Variants in TMEM131L observed in about 807,000 individuals in gnomAD.
TMEM131L encodes transmembrane protein 131-like.
TMEM131L carries 54 observed loss-of-function variants against 192.2 expected under a neutral mutation model. The ratio of observed to expected loss-of-function variants is 0.28; its 90% CI spans 0.23 to 0.35. The LOEUF (loss-of-function observed/expected upper bound fraction) is 0.35. TMEM131L is among the 10% of genes least tolerant of loss of function. The pLI is 1.00. For synonymous variants in TMEM131L, 701 were observed against 704.9 expected (o/e 0.99, Z 0.09); for missense variants, 1,888 against 1,972.9 (o/e 0.96, Z 0.82).
chr4:153,533,354 G>T (rs926909703), intron 3 of TMEM131L, among the ~76,000 whole-genome samples: 1 of 152,190 alleles, frequency 6.6e-6, no homozygotes, highest in Admixed American at 6.5e-5. Context: ...CTGCGTGTGG[G>T]AGTGGGGCGC....
At chr4:153,631,234 AG>A (rs772590710) in intron 31 of TMEM131L, among the ~76,000 whole-genome samples, 26 of 152,224 alleles carry the variant, frequency 1.7e-4, no homozygotes, top group Non-Finnish European at 3.1e-4. Context: ...CAGGCATTTA[AG>A]GGAGCCCTTG....
At chr4:153,636,151 T>TG (rs1173256905) in intron 34 of TMEM131L, 150 bp from the exon 35 acceptor site, 6 of 760,382 alleles carry the variant, frequency 7.9e-6, no homozygotes, top group African/African-American at 7.0e-5. Flanking sequence ...TGAGAAAAAA[T>TG]GGAGTTAAAG....
intron 12 of TMEM131L, 130 bp from the exon 13 acceptor site, chr4:153,585,328 G>A (rs1244709325): frequency 1.1e-6 from 1 of 928,730 alleles, no homozygotes; most frequent in African/African-American, 1.7e-5. Context: ...GATTGCCGAG[G>A]TTGTCTCTGG....
chr4:153,545,178 TGAA>T (rs1737075448), intron 3 of TMEM131L, among the ~76,000 whole-genome samples: 1 of 152,194 alleles, frequency 6.6e-6, no homozygotes, highest in Admixed American at 6.5e-5. Flanking sequence ...CTCATTTTGT[TGAA>T]GAAGAAACTG....
chr4:153,561,973 A>AAC (rs1728873833), intron 7 of TMEM131L, among the ~76,000 whole-genome samples: 1 of 151,804 alleles, frequency 6.6e-6, no homozygotes, highest in African/African-American at 2.4e-5. Flanking sequence ...CAAAAAAAAA[A>AAC]AACCTCTTAA....
chr4:153,585,675 G>C lies in TMEM131L; in HGVS notation c.1311+64G>C, dbSNP rs1021182633. ...TAAGCTTTGTTTAAGGTCAGATGCT[G>C]TGAAATTATTTCTATAAAATAATAA... On this transcript the variant is annotated intron_variant, in intron 13 of 34. Transcript: ENST00000409959. 50 of 1,093,574 alleles carry C rather than the reference G, an allele frequency of 4.6e-5. No homozygotes were observed. The East Asian group carries it at 1.4e-3, about 31-fold the overall frequency. 67.7% of individuals were successfully genotyped at this position (1,093,574 alleles called of 1,614,324 possible).
intron 26 of TMEM131L, among the ~76,000 whole-genome samples, chr4:153,613,958 A>G (rs1303827611): frequency 2.6e-5 from 4 of 152,238 alleles, no homozygotes; most frequent in Admixed American, 2.6e-4. Context: ...GTTTGGAAAG[A>G]CAAGAGGTTT....
At position 153,636,483 on chromosome 4, in the gene TMEM131L, C is replaced by T. The variant is rs762379218; in HGVS notation, c.4740C>T (p.Arg1580=). 2.8e-5 allele frequency: 45 copies of T among 1,614,036 alleles called. No homozygotes were observed. The highest frequency in any genetic ancestry group is 3.3e-4 in the Middle Eastern group (2 of 6,084). The part of the protein sequence containing the change: ...KEYYPGFNPF[R]AYMNLDIWTT... ...ACTACCCGGGGTTCAACCCGTTTCG[C>T]GCCTATATGAACCTGGACATATGGA... Residue 1580 remains arginine (R), a synonymous_variant, in exon 35 of 35, where the codon CGC becomes CGT. Transcript: ENST00000409959.
At position 153,473,044 on chromosome 4, in the gene TMEM131L, C is replaced by T. The variant is rs138216820; in HGVS notation, c.196-801C>T. Among the ~76,000 whole-genome samples the T allele has an allele frequency of 3.6e-4, 55 of 152,298 alleles. No homozygotes were observed. In the East Asian group the frequency reaches 9.5e-3, roughly 26 times the overall value. On this transcript the variant is annotated intron_variant, in intron 2 of 34. Transcript: ENST00000409959. The stretch of plus-strand genomic sequence containing the variant: ...GACAGTTAAGTTCAGCATTTTCCCT[C>T]GGACATTTTAAATTGGAGCCCAGGT...
intron 2 of TMEM131L, among the ~76,000 whole-genome samples, chr4:153,468,856 G>A (rs1730960715): frequency 6.6e-6 from 1 of 151,934 alleles, no homozygotes; most frequent in African/African-American, 2.4e-5. Flanking sequence ...CTATGTATAT[G>A]TATTTGCATT....
intron 6 of TMEM131L, 85 bp downstream of exon 6, chr4:153,557,167 GA>G (rs1298343929): frequency 4.3e-6 from 3 of 692,020 alleles, no homozygotes; most frequent in African/African-American, 1.8e-5. Flanking sequence ...AAGACTTTTG[GA>G]AATGTTGTCA....
rs779425676 is a variant in TMEM131L at position 153,620,862 on chromosome 4, G to A, written c.3674G>A (p.Gly1225Asp). The A allele has an allele frequency of 6.3e-7, 1 of 1,595,936 alleles. No homozygotes were observed. The highest frequency in any genetic ancestry group is 8.5e-7 in the Non-Finnish European group (1 of 1,174,174). Residue 1225 changes from glycine to aspartate, a missense_variant, in exon 27 of 35, where the codon GGT (glycine) becomes GAT (aspartate). Physicochemically the swap from Gly to Asp is moderately conservative, Grantham distance 94 (BLOSUM62 -1). Coordinates refer to ENST00000409959, the MANE Select transcript of TMEM131L (RefSeq NM_001131007.2). ...ACATGTAGAAAGAACAAGAAAAGGG[G>A]TGTTGCTCCAGTCTCAAGGTGCGTA... ...SRTCRKNKKRGVAPVSRPPEQ... is the reference protein window; with the variant it reads ...SRTCRKNKKRDVAPVSRPPEQ...
At chr4:153,499,624 A>T (rs904986669) in intron 3 of TMEM131L, among the ~76,000 whole-genome samples, 2 of 152,034 alleles carry the variant, frequency 1.3e-5, no homozygotes, top group Admixed American at 1.3e-4. Context: ...AGGGGATTTC[A>T]CCATGTTGGC....
Position 153,583,639 on chromosome 4 carries a change from A to G in TMEM131L, c.1027A>G (p.Asn343Asp). 1 of 1,606,890 alleles carries G rather than the reference A, an allele frequency of 6.2e-7. No individual in the cohort carries two copies. The highest frequency in any genetic ancestry group is 1.7e-5 in the Admixed American group (1 of 57,866). Residue 343 changes from asparagine to aspartate, a missense_variant, in exon 11 of 35, where the codon AAC becomes GAC. Asn to Asp is a conservative substitution (Grantham distance 23). Coordinates refer to ENST00000409959, the MANE Select transcript of TMEM131L (RefSeq NM_001131007.2). Reference protein sequence around the residue: ...EPVLLPTSTTNFTKIASFTCK... With the variant: ...EPVLLPTSTTDFTKIASFTCK... ...AGTACTACTACCTACTTCTACAACA[A>G]ACTTTACAAAAATTGCTTCTTTTAC...
intron 12 of TMEM131L, among the ~76,000 whole-genome samples, chr4:153,585,178 A>G (rs1730614271): frequency 6.6e-6 from 1 of 152,206 alleles, no homozygotes. Flanking sequence ...AAAAGAGTAC[A>G]TATTCACATG....
chr4:153,469,129 C>T (rs1730975180), intron 2 of TMEM131L, among the ~76,000 whole-genome samples: 1 of 152,136 alleles, frequency 6.6e-6, no homozygotes, highest in Non-Finnish European at 1.5e-5. Flanking sequence ...TAATAGATGT[C>T]AGAATTCAGA....
chr4:153,590,687 T>C (rs1400720794), intron 16 of TMEM131L, among the ~76,000 whole-genome samples: 5 of 151,938 alleles, frequency 3.3e-5, no homozygotes, highest in Non-Finnish European at 7.4e-5. Flanking sequence ...TCTAAAAGAG[T>C]GTTTCTCTTG....
chr4:153,550,434 C>G (rs1194013344), intron 4 of TMEM131L, among the ~76,000 whole-genome samples: 1 of 152,160 alleles, frequency 6.6e-6, no homozygotes, highest in Non-Finnish European at 1.5e-5. Context: ...TTACGCCATT[C>G]TCCTACCTCA....
intron 7 of TMEM131L, among the ~76,000 whole-genome samples, chr4:153,559,381 G>A (rs1332596551): frequency 6.6e-6 from 1 of 152,130 alleles, no homozygotes; most frequent in African/African-American, 2.4e-5. Flanking sequence ...AAAACCAGGG[G>A]GCATGTGTTG....
Sources: allele counts gnomAD v4.1 joint callset (sites outside exome capture counted in the v4.1 genomes callset), GRCh38; gene constraint gnomAD v4.1.1; transcripts MANE v1.5; gene names NCBI Gene and HGNC (gene_info 2026-07-23, HGNC 2026-07-21).